DGKB: variants seen among roughly 807,000 people sequenced by gnomAD.
DGKB encodes diacylglycerol kinase beta, also known as 90 kDa diacylglycerol kinase.
In DGKB, 67 loss-of-function variants were observed where a neutral mutation model predicts 114.3. The ratio of observed to expected loss-of-function variants is 0.59; its 90% CI spans 0.48 to 0.72. The LOEUF is 0.72. Ranked by LOEUF, DGKB falls within the 30% of genes least tolerant of loss-of-function variation. DGKB has a pLI of 0.00. For synonymous variants in DGKB, 398 were observed against 323.1 expected (o/e 1.23, Z -2.49); for missense variants, 907 against 975.2 (o/e 0.93, Z 0.93).
intron 20 of DGKB, among the ~76,000 whole-genome samples, chr7:14,530,412 GA>G (rs535518651): frequency 3.5e-4 from 53 of 151,260 alleles, no homozygotes; most frequent in African/African-American, 1.2e-3. Flanking sequence ...TCCCTTTTCA[GA>G]AAAAAACCCT....
chr7:14,331,532 G>A (rs1466559007), intron 23 of DGKB, among the ~76,000 whole-genome samples: 3 of 151,974 alleles, frequency 2.0e-5, no homozygotes, highest in African/African-American at 7.3e-5. Context: ...AATAGTGGAT[G>A]ACAAATGTCC....
intron 15 of DGKB, among the ~76,000 whole-genome samples, chr7:14,617,837 C>T (rs1386502644): frequency 6.6e-6 from 1 of 151,480 alleles, no homozygotes; most frequent in African/African-American, 2.4e-5. Flanking sequence ...AAGTCTTTAC[C>T]CAAATATCAC....
chr7:14,181,041 T>C (rs1226203219), intron 23 of DGKB, among the ~76,000 whole-genome samples: 1 of 152,034 alleles, frequency 6.6e-6, no homozygotes, highest in Non-Finnish European at 1.5e-5. Context: ...TTAAGAATGG[T>C]TTTATATATT....
chr7:14,400,098 C>A (rs1475158702), intron 21 of DGKB, among the ~76,000 whole-genome samples: 1 of 151,780 alleles, frequency 6.6e-6, no homozygotes, highest in East Asian at 1.9e-4. Flanking sequence ...CATTTTGAAG[C>A]ATCATATAAA....
chr7:14,465,659 G>A (rs980878915), intron 21 of DGKB, among the ~76,000 whole-genome samples: 1 of 152,154 alleles, frequency 6.6e-6, no homozygotes, highest in African/African-American at 2.4e-5. Flanking sequence ...GGGGCATGGA[G>A]AGAGGAGAAA....
chr7:14,567,151 T>C (rs1188552330), intron 20 of DGKB, among the ~76,000 whole-genome samples: 3 of 104,638 alleles, frequency 2.9e-5, no homozygotes, highest in African/African-American at 1.1e-4. Flanking sequence ...ATATATATAA[T>C]ATACAATTAT....
intron 17 of DGKB, among the ~76,000 whole-genome samples, chr7:14,600,973 T>C (rs887881811): frequency 1.3e-5 from 2 of 152,144 alleles, no homozygotes; most frequent in African/African-American, 4.8e-5. Context: ...GGCATTGTCC[T>C]AGTGGAGGCT....
At chr7:14,703,843 C>T (rs894484585) in intron 6 of DGKB, among the ~76,000 whole-genome samples, 9 of 152,106 alleles carry the variant, frequency 5.9e-5, no homozygotes, top group African/African-American at 1.4e-4. Context: ...TTAAAAACAA[C>T]CAGTTGAAAT....
intron 20 of DGKB, among the ~76,000 whole-genome samples, chr7:14,527,122 G>A (rs1374486564): frequency 6.6e-6 from 1 of 152,034 alleles, no homozygotes; most frequent in Non-Finnish European, 1.5e-5. Context: ...CAACTGCATA[G>A]TTAGTCCAGT....
chr7:14,939,690 T>G (rs1785465295), intron 1 of DGKB, among the ~76,000 whole-genome samples: 1 of 132,820 alleles, frequency 7.5e-6, no homozygotes, highest in South Asian at 2.6e-4. Context: ...GCAATGGCAC[T>G]GCAAGTTGCG....
rs35208788 is a variant in DGKB at position 14,340,159 on chromosome 7, C to CTT, written c.1927-1451_1927-1450dup. On this transcript the variant is annotated intron_variant, in intron 22 of 25. Coordinates refer to ENST00000402815, the MANE Select transcript of DGKB (RefSeq NM_001350709.2). ...GGGCGAAACCAAGATCTGGATGATG[C>CTT]TTTTTTTTTTTTTTTTTTTTTTCCA... 7.6e-3 allele frequency among the ~76,000 whole-genome samples: 681 copies of CTT among 89,100 alleles called. 4 individuals carry two copies. The highest frequency in any genetic ancestry group is 0.024 in the African/African-American group (541 of 22,956). The allele number at this position is 89,100 out of a possible 152,430, so 58.5% of individuals were successfully genotyped here.
intron 21 of DGKB, among the ~76,000 whole-genome samples, chr7:14,420,145 C>G (rs1826433164): frequency 6.6e-6 from 1 of 151,512 alleles, no homozygotes; most frequent in Non-Finnish European, 1.5e-5. Flanking sequence ...AAGAAATAGT[C>G]TTATTCTAAA....
At chr7:14,627,594 G>GTC (rs1363534881) in intron 14 of DGKB, among the ~76,000 whole-genome samples, 1 of 151,596 alleles carries the variant, frequency 6.6e-6, no homozygotes, top group Non-Finnish European at 1.5e-5. Context: ...GTCTGTGTGT[G>GTC]TGTGTGTGTG....
chr7:14,620,989 T>A (rs1807529775), intron 15 of DGKB, among the ~76,000 whole-genome samples: 1 of 151,712 alleles, frequency 6.6e-6, no homozygotes, highest in African/African-American at 2.4e-5. Context: ...TTTCCTAAAG[T>A]CTTTTTTGCT....
At chr7:14,761,637 C>G (rs886924039) in intron 2 of DGKB, among the ~76,000 whole-genome samples, 1 of 152,152 alleles carries the variant, frequency 6.6e-6, no homozygotes, top group Non-Finnish European at 1.5e-5. Flanking sequence ...GATAGTAAGA[C>G]GTGGCCTCAG....
At chr7:14,763,304 A>G (rs1336465485) in intron 2 of DGKB, among the ~76,000 whole-genome samples, 2 of 152,126 alleles carry the variant, frequency 1.3e-5, no homozygotes, top group African/African-American at 4.8e-5. Context: ...GACACCCCAT[A>G]ATAACTCTCT....
chr7:14,486,661 C>G (rs566684364), intron 20 of DGKB, among the ~76,000 whole-genome samples: 2 of 152,206 alleles, frequency 1.3e-5, no homozygotes, highest in African/African-American at 4.8e-5. Flanking sequence ...CTCAGGCAGA[C>G]AGCAGAACGA....
chr7:14,346,541 T>A (rs564918152), intron 21 of DGKB, among the ~76,000 whole-genome samples: 3 of 151,954 alleles, frequency 2.0e-5, no homozygotes, highest in East Asian at 1.9e-4. Context: ...ATAAGTTTCA[T>A]AGGATTCTAG....
At chr7:14,249,753 AT>A (rs916860435) in intron 23 of DGKB, among the ~76,000 whole-genome samples, 3 of 151,520 alleles carry the variant, frequency 2.0e-5, no homozygotes, top group Admixed American at 6.6e-5. Context: ...AAGGTTTGTA[AT>A]TTTTTTTATC....
Sources: allele counts gnomAD v4.1 joint callset (sites outside exome capture counted in the v4.1 genomes callset), GRCh38; gene constraint gnomAD v4.1.1; transcripts MANE v1.5; gene names NCBI Gene and HGNC (gene_info 2026-07-23, HGNC 2026-07-21).